MAP4K3: variants seen among roughly 807,000 people sequenced by gnomAD.
MAP4K3 encodes mitogen-activated protein kinase kinase kinase kinase 3, also known as MAPK/ERK kinase kinase kinase 3.
A neutral mutation model predicts 143.5 loss-of-function variants in MAP4K3; 94 were observed. The ratio of observed to expected loss-of-function variants is 0.65; its 90% CI spans 0.55 to 0.78. The LOEUF is 0.78. Ranked by LOEUF, MAP4K3 falls within the 30% of genes least tolerant of loss-of-function variation. The pLI is 0.00. For missense variants in MAP4K3, 1,077 were observed against 1,068.1 expected, an observed-to-expected ratio of 1.01 and a Z score of -0.12; for synonymous variants, 416 against 347.2, an observed-to-expected ratio of 1.20 and a Z score of -2.20.
intron 32 of MAP4K3, among the ~76,000 whole-genome samples, chr2:39,252,478 C>T (rs894676575): frequency 3.9e-5 from 6 of 152,208 alleles, no homozygotes; most frequent in African/African-American, 1.4e-4. Flanking sequence ...GTGCTCAATA[C>T]ATAATAATTA....
intron 3 of MAP4K3, among the ~76,000 whole-genome samples, chr2:39,354,445 A>T (rs540246405): frequency 6.4e-4 from 97 of 151,994 alleles, no homozygotes; most frequent in African/African-American, 1.8e-3. Flanking sequence ...TCCATCTCAA[A>T]AAATAAATAA....
intron 6 of MAP4K3, among the ~76,000 whole-genome samples, chr2:39,335,066 C>T (rs1167610008): frequency 6.6e-6 from 1 of 152,014 alleles, no homozygotes; most frequent in Non-Finnish European, 1.5e-5. Flanking sequence ...ATTCTAAGAT[C>T]GGCAAGTTTA....
chr2:39,391,428 T>C (rs1418564274), intron 1 of MAP4K3, among the ~76,000 whole-genome samples: 2 of 148,516 alleles, frequency 1.3e-5, no homozygotes, highest in Non-Finnish European at 3.0e-5. Context: ...AGAGATCAAC[T>C]GTGCACACCA....
chr2:39,410,911 A>G (rs1295777714), intron 1 of MAP4K3, among the ~76,000 whole-genome samples: 2 of 152,234 alleles, frequency 1.3e-5, no homozygotes, highest in African/African-American at 2.4e-5. Context: ...ATCTTTTCAA[A>G]GAAACATATC....
chr2:39,415,694 A>G (rs998903517), intron 1 of MAP4K3, among the ~76,000 whole-genome samples: 6 of 151,490 alleles, frequency 4.0e-5, no homozygotes, highest in South Asian at 2.1e-4. Flanking sequence ...GCTCACGCCT[A>G]TAATCACAGC....
chr2:39,433,847 GA>G (rs1286569862), intron 1 of MAP4K3, among the ~76,000 whole-genome samples: 1 of 151,406 alleles, frequency 6.6e-6, no homozygotes, highest in African/African-American at 2.4e-5. Context: ...GCATTGGCCT[GA>G]AAAAAATAAA....
chr2:39,329,796 T>C (rs552151993), intron 8 of MAP4K3, among the ~76,000 whole-genome samples: 3 of 152,300 alleles, frequency 2.0e-5, no homozygotes, highest in Non-Finnish European at 4.4e-5. Flanking sequence ...CTTCCTTCAC[T>C]TGACCAGTTC....
At chr2:39,350,675 A>C (rs1665429110) in intron 3 of MAP4K3, among the ~76,000 whole-genome samples, 1 of 152,178 alleles carries the variant, frequency 6.6e-6, no homozygotes, top group African/African-American at 2.4e-5. Flanking sequence ...GATTACTGTA[A>C]TAAATACACC....
intron 7 of MAP4K3, 23 bp from the exon 8 acceptor site, chr2:39,332,012 T>C (rs1400162400): frequency 1.5e-6 from 2 of 1,345,044 alleles, no homozygotes; most frequent in South Asian, 1.5e-5. Context: ...ATGAGAAACA[T>C]TTAGGAAACT....
chr2:39,437,186 G>A lies in MAP4K3; in HGVS notation c.-199C>T. The A allele has an allele frequency of 2.9e-6, 1 of 350,296 alleles. No homozygotes were observed. Among genetic ancestry groups the A allele is most frequent in the Non-Finnish European group, 5.0e-6 (1 of 198,630 alleles). 21.7% of individuals were successfully genotyped at this position (350,296 alleles called of 1,614,324 possible). On this transcript the variant is annotated 5_prime_UTR_variant, in exon 1 of 34. Transcript: ENST00000263881. ...CGACGACAAGCGGCCAATCGTCCCC[G>A]CCCCCCGCGGCCCGCCGCCGCGCCG... is the stretch of plus-strand genomic sequence containing the variant.
rs1384716475 is a variant in MAP4K3 at position 39,260,903 on chromosome 2, A to G, written c.2137-126T>C. The stretch of plus-strand genomic sequence containing the variant: ...TGTCACAGAAATTCAGGTAATGCAG[A>G]AAAATCTAAATTATGGACTCTCTTT... On this transcript the variant is annotated intron_variant, in intron 28 of 33. Transcript: ENST00000263881. 1.1e-5 allele frequency: 7 copies of G among 643,256 alleles called. No homozygotes were observed. In the African/African-American group the frequency reaches 1.3e-4, roughly 12 times the overall value. The allele number at this position is 643,256 out of a possible 1,614,324, so 39.8% of individuals were successfully genotyped here.
intron 1 of MAP4K3, among the ~76,000 whole-genome samples, chr2:39,429,706 A>G (rs1265618794): frequency 6.6e-6 from 1 of 152,240 alleles, no homozygotes; most frequent in Non-Finnish European, 1.5e-5. Context: ...ATTTAACTTG[A>G]AAAGCTGATT....
chr2:39,398,958 C>G (rs899580906), intron 1 of MAP4K3, among the ~76,000 whole-genome samples: 1 of 149,850 alleles, frequency 6.7e-6, no homozygotes, highest in Non-Finnish European at 1.5e-5. Flanking sequence ...GCAGGAGAAT[C>G]GCTTGAACCC....
chr2:39,265,119 A>G, intron 28 of MAP4K3, 84 bp downstream of exon 28: 1 of 974,616 alleles, frequency 1.0e-6, no homozygotes, highest in Non-Finnish European at 1.6e-6. Context: ...CTTGAAAATT[A>G]ACTGAAAAAA....
At chr2:39,260,073 G>C (rs990420851) in intron 29 of MAP4K3, among the ~76,000 whole-genome samples, 1 of 152,076 alleles carries the variant, frequency 6.6e-6, no homozygotes, top group African/African-American at 2.4e-5. Flanking sequence ...AAAAAAACTG[G>C]TGTATGTGCT....
Position 39,333,560 on chromosome 2 carries a change from T to A in MAP4K3, c.429A>T (p.Leu143=). 6.2e-7 allele frequency: 1 copy of A among 1,604,972 alleles called. No individual in the cohort carries two copies. Among genetic ancestry groups the A allele is most frequent in the Non-Finnish European group, 8.5e-7 (1 of 1,172,610 alleles). The change falls in exon 7 of 34, where the codon CTA becomes CTT. Residue 143 remains leucine, a synonymous_variant. Transcript: ENST00000263881. ...MHRDIKGANI[L]LTDNGHVKLA... is the part of the protein sequence containing the mutation. ...ATTTCACATGACCATTATCCGTTAATAGAATGTTAGCTCCCTTCAAAGTAA... is the reference window on the plus strand; with the variant it reads ...ATTTCACATGACCATTATCCGTTAAAAGAATGTTAGCTCCCTTCAAAGTAA...
chr2:39,284,148 C>T (rs1681661152), intron 21 of MAP4K3, among the ~76,000 whole-genome samples: 2 of 151,888 alleles, frequency 1.3e-5, no homozygotes, highest in South Asian at 4.2e-4. Flanking sequence ...TTTAGCAAAA[C>T]ATCTTTTTTT....
At chr2:39,352,079 T>G (rs1400684786) in intron 3 of MAP4K3, among the ~76,000 whole-genome samples, 1 of 152,180 alleles carries the variant, frequency 6.6e-6, no homozygotes, top group African/African-American at 2.4e-5. Flanking sequence ...GCTCACAAGG[T>G]CAGGAGTTAA....
At chr2:39,322,922 G>T (rs1002511359) in intron 12 of MAP4K3, among the ~76,000 whole-genome samples, 3 of 151,940 alleles carry the variant, frequency 2.0e-5, no homozygotes, top group African/African-American at 7.3e-5. Flanking sequence ...CACCTGCCTC[G>T]GTCTTCCAGA....
Sources: allele counts gnomAD v4.1 joint callset (sites outside exome capture counted in the v4.1 genomes callset), GRCh38; gene constraint gnomAD v4.1.1; transcripts MANE v1.5; gene names NCBI Gene and HGNC (gene_info 2026-07-23, HGNC 2026-07-21).